The following ADAMTS2 variants were observed in gnomAD, a reference collection of about 807,000 sequenced individuals.
ADAMTS2 encodes ADAM metallopeptidase with thrombospondin type 1 motif 2, also known as A disintegrin and metalloproteinase with thrombospondin motifs 2.
Under a neutral mutation model 123.0 loss-of-function variants are expected in ADAMTS2, and 50 were observed. The observed-to-expected ratio is 0.41, with a 90% CI of 0.32 to 0.51. ADAMTS2 has a LOEUF of 0.51. Among genes scored for constraint, ADAMTS2 ranks in the 20% least tolerant of loss-of-function variants. ADAMTS2 has a pLI of 0.35. For missense variants in ADAMTS2, 1,494 were observed against 1,705.2 expected (o/e 0.88, Z 2.18); for synonymous variants, 678 against 695.4 (o/e 0.98, Z 0.39).
intron 3 of ADAMTS2, among the ~76,000 whole-genome samples, chr5:179,208,580 GTC>G (rs1420982227): frequency 6.6e-6 from 1 of 152,136 alleles, no homozygotes; most frequent in East Asian, 1.9e-4. Flanking sequence ...GTGCAGTGCT[GTC>G]TCTGCTGTGT....
chr5:179,193,361 G>T (rs562074986), intron 4 of ADAMTS2, among the ~76,000 whole-genome samples: 1 of 152,174 alleles, frequency 6.6e-6, no homozygotes, highest in African/African-American at 2.4e-5. Context: ...CCCACACCCT[G>T]CGAGTGAGTG....
chr5:179,131,525 T>C (rs1424286424), intron 15 of ADAMTS2, among the ~76,000 whole-genome samples: 1 of 151,930 alleles, frequency 6.6e-6, no homozygotes, highest in Non-Finnish European at 1.5e-5. Context: ...GGGGCTCAGA[T>C]TGGGGAAGGG....
At position 179,293,095 on chromosome 5, in the gene ADAMTS2, C is replaced by T. The variant is rs1054733732; in HGVS notation, c.535-20031G>A. Among the ~76,000 whole-genome samples, 3 of 152,196 alleles carry T rather than the reference C, an allele frequency of 2.0e-5. No individual in the cohort carries two copies. The East Asian group carries it at 5.8e-4, about 29-fold the overall frequency. ...GGTGACAGCCACAGCTTCTCACTCA[C>T]AGCACTGGTGTAAGTGCTAACCTGA... On this transcript the variant is annotated intron_variant, in intron 2 of 21. Coordinates refer to ENST00000251582, the MANE Select transcript of ADAMTS2 (RefSeq NM_014244.5).
intron 2 of ADAMTS2, among the ~76,000 whole-genome samples, chr5:179,309,903 G>T (rs1046302923): frequency 2.6e-5 from 4 of 152,196 alleles, no homozygotes; most frequent in Non-Finnish European, 5.9e-5. Context: ...CTCAGGGCAG[G>T]GCAGGACCCT....
chr5:179,117,713 T>A lies in ADAMTS2; in HGVS notation c.3179-3389A>T, dbSNP rs1399823458. Among the ~76,000 whole-genome samples, 1 of 152,150 alleles carries A rather than the reference T, an allele frequency of 6.6e-6. No homozygotes were observed. The highest frequency in any genetic ancestry group is 1.5e-5 in the Non-Finnish European group (1 of 68,032). On this transcript the variant is annotated intron_variant, in intron 21 of 21. Coordinates refer to ENST00000251582, the MANE Select transcript of ADAMTS2 (RefSeq NM_014244.5). The surrounding 1 kb of genome is among the most constrained non-coding windows in gnomAD (Gnocchi z 4.2). ...CCACCATGCCCGGCTAATTTTTGTATTTTTAGTAGAGACGGGGTTTCGCTA... is the reference window on the plus strand; with the variant it reads ...CCACCATGCCCGGCTAATTTTTGTAATTTTAGTAGAGACGGGGTTTCGCTA...
chr5:179,191,123 G>A (rs368678209), intron 4 of ADAMTS2, among the ~76,000 whole-genome samples: 129 of 152,362 alleles, frequency 8.5e-4, no homozygotes, highest in African/African-American at 2.9e-3. Flanking sequence ...AGAAGGACAC[G>A]GCCGAGGCCT....
At chr5:179,324,374 T>C (rs2113598672) in intron 2 of ADAMTS2, among the ~76,000 whole-genome samples, 1 of 150,746 alleles carries the variant, frequency 6.6e-6, no homozygotes, top group Middle Eastern at 3.4e-3. Context: ...CATGTGTATG[T>C]TGATAGCTTT....
chr5:179,258,104 T>A (rs1232433046), intron 3 of ADAMTS2, among the ~76,000 whole-genome samples: 1 of 152,114 alleles, frequency 6.6e-6, no homozygotes, highest in Non-Finnish European at 1.5e-5. Context: ...GATGCTCTCA[T>A]CCTGGGGGCT....
In ADAMTS2 at chr5:179,345,240, G is replaced by GGCGGCA; in HGVS notation, c.83_88dup (p.Leu28_Pro29dup). The GGCGGCA allele has an allele frequency of 8.7e-7, 1 of 1,146,816 alleles. No individual in the cohort carries two copies. The highest frequency in any genetic ancestry group is 1.1e-6 in the Non-Finnish European group (1 of 939,600). The allele number at this position is 1,146,816 out of a possible 1,614,324, so 71.0% of individuals were successfully genotyped here. ...CCTGGCGTTCGCGGGCGGCGGCGGC[G>GGCGGCA]GCGGCAGGAGCGGCGGCGGCAGCAG... On this transcript the variant is annotated inframe_insertion, in exon 1 of 22. Transcript: ENST00000251582. This position sits in a 1 kb window ranked among gnomAD's most constrained non-coding sequence, Gnocchi z 7.5.
At chr5:179,245,786 A>AAAAC (rs1765782873) in intron 3 of ADAMTS2, among the ~76,000 whole-genome samples, 1 of 135,662 alleles carries the variant, frequency 7.4e-6, no homozygotes, top group African/African-American at 2.8e-5. Context: ...AAAAAAAAAA[A>AAAAC]AAAAAAAAAC....
At position 179,126,069 on chromosome 5, in the gene ADAMTS2, G is replaced by A; in HGVS notation, c.2679C>T (p.Gly893=). The change falls in exon 18 of 22, where the codon GGC becomes GGT. Residue 893 remains glycine (G), a synonymous_variant. Coordinates refer to ENST00000251582, the MANE Select transcript of ADAMTS2 (RefSeq NM_014244.5). ...TGGGCTTCGAGAGGGCGGCACAGAA[G>A]CCACGGTGTACCATCTTGTGGTCCA... ...RRLDHKMVHR[G]FCAALSKPKA... 6.2e-7 allele frequency: 1 copy of A among 1,613,236 alleles called. No homozygotes were observed. Among genetic ancestry groups the A allele is most frequent in the Non-Finnish European group, 8.5e-7 (1 of 1,180,028 alleles).
In ADAMTS2 at chr5:179,330,096, G is replaced by A. The variant is rs182991894; in HGVS notation, c.534+13671C>T. The stretch of plus-strand genomic sequence containing the variant: ...AGCCGAGATTGCGCCACTGCAGTCC[G>A]CAGTCCGGCCTGGGCGACAGAGCGA... On this transcript the variant is annotated intron_variant, in intron 2 of 21. Coordinates refer to ENST00000251582, the MANE Select transcript of ADAMTS2 (RefSeq NM_014244.5). Among the ~76,000 whole-genome samples the A allele has an allele frequency of 8.8e-3, 1,247 of 142,156 alleles. 29 individuals carry two copies. The highest frequency in any genetic ancestry group is 0.031 in the African/African-American group (1,181 of 38,690). The allele number at this position is 142,156 out of a possible 152,430, so 93.3% of individuals were successfully genotyped here. A position where few individuals can be genotyped will look rare whatever the true frequency, so the allele number is the denominator to read the frequency against.
chr5:179,137,720 CTAGGG>C, intron 12 of ADAMTS2, 44 bp downstream of exon 12: 7 of 1,514,968 alleles, frequency 4.6e-6, no homozygotes, highest in Non-Finnish European at 6.2e-6. Flanking sequence ...CCTGCCCACC[CTAGGG>C]CCTGCCTGCT....
rs780785024 is a variant in ADAMTS2 at position 179,124,900 on chromosome 5, G to A, written c.2958+73C>T. On this transcript the variant is annotated intron_variant, in intron 19 of 21. Coordinates refer to ENST00000251582, the MANE Select transcript of ADAMTS2 (RefSeq NM_014244.5). ...GTGTTGTGTAGCGGCTGAATGCAGC[G>A]CACGGAGCGCACCTGCATGCCTGTC... The A allele has an allele frequency of 1.8e-4, 286 of 1,595,890 alleles. No individual in the cohort carries two copies. The Middle Eastern group carries it at 1.8e-3, about 10-fold the overall frequency.
chr5:179,215,643 AAAC>A (rs1274052894), intron 3 of ADAMTS2, among the ~76,000 whole-genome samples: 2 of 152,342 alleles, frequency 1.3e-5, no homozygotes, highest in East Asian at 1.9e-4. Flanking sequence ...GGAGGGGAAG[AAAC>A]AACAAGGGAA....
intron 3 of ADAMTS2, among the ~76,000 whole-genome samples, chr5:179,241,229 G>C (rs1765661976): frequency 6.6e-6 from 1 of 152,222 alleles, no homozygotes; most frequent in Non-Finnish European, 1.5e-5. Flanking sequence ...ACAAAGCCTT[G>C]TCACTGTGTT....
At chr5:179,156,429 G>A (rs538459155) in intron 6 of ADAMTS2, among the ~76,000 whole-genome samples, 2 of 146,302 alleles carry the variant, frequency 1.4e-5, no homozygotes, top group South Asian at 2.2e-4. Flanking sequence ...GTGTGATCTC[G>A]GCTCACTGCA....
chr5:179,189,092 G>C lies in ADAMTS2; in HGVS notation c.892-7937C>G, dbSNP rs1389980528. On this transcript the variant is annotated intron_variant, in intron 4 of 21. Transcript: ENST00000251582. This position sits in a 1 kb window ranked among gnomAD's most constrained non-coding sequence, Gnocchi z 4.2. ...TGACTTGGGGCCAGTTACTTAACCT[G>C]TCTGGGCCTCAGTTTCTTTATCTAT... Among the ~76,000 whole-genome samples the C allele has an allele frequency of 6.6e-6, 1 of 152,158 alleles. No individual in the cohort carries two copies. Among genetic ancestry groups the C allele is most frequent in the African/African-American group, 2.4e-5 (1 of 41,424 alleles).
In ADAMTS2 at chr5:179,282,526, C is replaced by T. The variant is rs1766944896; in HGVS notation, c.535-9462G>A. ...TGCCAACACCACACAGTCTTGATTA[C>T]TACAGCTTTGTAGTAAGTCTTAGAA... is the stretch of plus-strand genomic sequence containing the variant. On this transcript the variant is annotated intron_variant, in intron 2 of 21. Coordinates refer to ENST00000251582, the MANE Select transcript of ADAMTS2 (RefSeq NM_014244.5). 3.9e-5 allele frequency among the ~76,000 whole-genome samples: 6 copies of T among 152,216 alleles called. No individual in the cohort carries two copies. In the South Asian group the frequency reaches 1.2e-3, roughly 32 times the overall value.
Sources: gnomAD v4.1 joint callset for allele counts (sites outside exome capture counted in the v4.1 genomes callset) on GRCh38, gnomAD v4.1.1 for gene constraint, Gnocchi (gnomAD v3.1) non-coding constraint, MANE v1.5 for transcripts, NCBI Gene and HGNC (gene_info 2026-07-23, HGNC 2026-07-21) for gene names.